The following BACH2 variants were observed in gnomAD, a reference collection of about 807,000 sequenced individuals.
BACH2 encodes transcription regulator protein BACH2.
BACH2 carries 5 observed loss-of-function variants against 61.8 expected under a neutral mutation model. The observed-to-expected ratio is 0.08, with a 90% CI of 0.04 to 0.17. BACH2 has a LOEUF of 0.17. BACH2 is among the 10% of genes least tolerant of loss of function. The pLI is 1.00. For missense variants in BACH2, 824 were observed against 1,091.1 expected (o/e 0.76, Z 3.45); for synonymous variants, 446 against 440.1 (o/e 1.01, Z -0.17).
chr6:90,196,193 A>G (rs982583058), intron 4 of BACH2, among the ~76,000 whole-genome samples: 2 of 152,108 alleles, frequency 1.3e-5, no homozygotes, highest in Non-Finnish European at 2.9e-5. Flanking sequence ...CAACTTGATT[A>G]GAATAGGTGA....
intron 4 of BACH2, among the ~76,000 whole-genome samples, chr6:90,172,395 G>A (rs1216911094): frequency 6.6e-6 from 1 of 151,354 alleles, no homozygotes; most frequent in South Asian, 2.1e-4. Context: ...GAATGTGAAG[G>A]AAAAAACAGA....
chr6:90,243,866 T>C (rs1326172036), intron 3 of BACH2, among the ~76,000 whole-genome samples: 3 of 152,310 alleles, frequency 2.0e-5, no homozygotes, highest in African/African-American at 7.2e-5. Context: ...TAAAATTTCA[T>C]TGATTGGAAT....
chr6:90,247,846 G>T (rs929117262), intron 3 of BACH2, among the ~76,000 whole-genome samples: 2 of 152,078 alleles, frequency 1.3e-5, no homozygotes, highest in Admixed American at 1.3e-4. Flanking sequence ...GTAGCACTTC[G>T]GTCTCTGCTT....
rs1477517332 is a variant in BACH2 at position 90,206,604 on chromosome 6, G to C, written c.-197C>G. 3 of 152,400 alleles carry C rather than the reference G, an allele frequency of 2.0e-5. No individual in the cohort carries two copies. Among genetic ancestry groups the C allele is most frequent in the African/African-American group, 7.2e-5 (3 of 41,466 alleles). 9.4% of individuals were successfully genotyped at this position (152,400 alleles called of 1,614,324 possible). ...CTGCAGGGATGGGAGCAAGGGATCA[G>C]ACATGTCACAGTGCGAGGAAGTTCT... On this transcript the variant is annotated 5_prime_UTR_variant, in exon 4 of 9. Transcript: ENST00000257749.
In BACH2 at chr6:90,288,448, T is replaced by C. The variant is rs557412534; in HGVS notation, c.-446+8032A>G. Among the ~76,000 whole-genome samples the C allele has an allele frequency of 6.6e-5, 10 of 152,268 alleles. 1 individual carries two copies. In the South Asian group the frequency reaches 1.0e-3, roughly 16 times the overall value. On this transcript the variant is annotated intron_variant, in intron 1 of 8. Transcript: ENST00000257749. ...TTCATACACTTGATCATTTCCCAAA[T>C]TGAGCTTCAAATGTGTGCTTAATGT...
chr6:90,014,468 A>ATATAT (rs1222156456), intron 5 of BACH2, among the ~76,000 whole-genome samples: 17 of 32,306 alleles, frequency 5.3e-4, no homozygotes, highest in Non-Finnish European at 6.1e-4. Flanking sequence ...ATATATATAT[A>ATATAT]TTTTTTTTTT....
chr6:90,192,043 T>C (rs1313743056), intron 4 of BACH2, among the ~76,000 whole-genome samples: 3 of 152,208 alleles, frequency 2.0e-5, no homozygotes, highest in African/African-American at 2.4e-5. Context: ...TATAATACCA[T>C]TGGTGGGTTT....
chr6:90,040,042 C>G (rs1339307100), intron 5 of BACH2, among the ~76,000 whole-genome samples: 1 of 147,330 alleles, frequency 6.8e-6, no homozygotes, highest in East Asian at 2.0e-4. Flanking sequence ...TTTTTTTGGC[C>G]GTGGTTTATG....
intron 4 of BACH2, among the ~76,000 whole-genome samples, chr6:90,160,395 G>A (rs1785150298): frequency 6.6e-6 from 1 of 152,224 alleles, no homozygotes; most frequent in African/African-American, 2.4e-5. Context: ...CAGCTAAAAT[G>A]CAGCCATCAT....
chr6:90,035,152 G>GAAAA (rs1473979931), intron 5 of BACH2, among the ~76,000 whole-genome samples: 2 of 152,044 alleles, frequency 1.3e-5, no homozygotes, highest in Non-Finnish European at 2.9e-5. Flanking sequence ...AATAGCACAT[G>GAAAA]AAAAAATACA....
intron 6 of BACH2, among the ~76,000 whole-genome samples, chr6:89,969,879 G>A (rs183819356): frequency 6.6e-6 from 1 of 152,296 alleles, no homozygotes; most frequent in Admixed American, 6.5e-5. Flanking sequence ...TGGAAATGAA[G>A]GCTGGGTGAG....
At chr6:90,239,798 TACACACACACACACACACACACACACAC>T (rs59169449) in intron 3 of BACH2, among the ~76,000 whole-genome samples, 1 of 132,224 alleles carries the variant, frequency 7.6e-6, no homozygotes, top group African/African-American at 2.8e-5. Context: ...GGGGGGGGAA[TACACACACACACACACACACACACACAC>T]ACACACACAC....
chr6:90,294,463 GA>G (rs1457989034), intron 1 of BACH2, among the ~76,000 whole-genome samples: 1 of 152,148 alleles, frequency 6.6e-6, no homozygotes, highest in Non-Finnish European at 1.5e-5. Flanking sequence ...CAGAATACTA[GA>G]AGGGAAAACA....
chr6:90,086,655 A>G (rs911526147), intron 5 of BACH2, among the ~76,000 whole-genome samples: 7 of 152,144 alleles, frequency 4.6e-5, no homozygotes, highest in African/African-American at 1.7e-4. Context: ...TGATTCACCT[A>G]AGGAGTCATG....
chr6:89,989,872 A>C (rs1776447932), intron 6 of BACH2, among the ~76,000 whole-genome samples: 1 of 152,244 alleles, frequency 6.6e-6, no homozygotes, highest in South Asian at 2.1e-4. Context: ...CAAAGCTGCC[A>C]GAGCCTGCTC....
chr6:90,164,220 G>C (rs1767523283), intron 4 of BACH2, among the ~76,000 whole-genome samples: 1 of 152,154 alleles, frequency 6.6e-6, no homozygotes, highest in Non-Finnish European at 1.5e-5. Context: ...AATAAAAAAT[G>C]ATAAAGGGGA....
In BACH2 at chr6:90,008,394, C is replaced by T. The variant is rs1777526341; in HGVS notation, c.243+208G>A. 1 of 646,532 alleles carries T rather than the reference C, an allele frequency of 1.5e-6. No homozygotes were observed. Among genetic ancestry groups the T allele is most frequent in the Non-Finnish European group, 2.6e-6 (1 of 382,780 alleles). 40.0% of individuals were successfully genotyped at this position (646,532 alleles called of 1,614,324 possible). A position where few individuals can be genotyped will look rare whatever the true frequency, so the allele number is the denominator to read the frequency against. ...ACTGAGCCACAGGTGAGGTTCAGTT[C>T]CCTTCAAGAAAGATATTCACATTCT... On this transcript the variant is annotated intron_variant, in intron 6 of 8. Transcript: ENST00000257749. This position sits in a 1 kb window ranked among gnomAD's most constrained non-coding sequence, Gnocchi z 4.1.
In BACH2 at chr6:89,975,767, C is replaced by T. The variant is rs553512256; in HGVS notation, c.244-23905G>A. ...CAGAGAAAAACAAAGTCCCACTTAT[C>T]AAAATGAAGTGCTTTTGTTCTCGTT... On this transcript the variant is annotated intron_variant, in intron 6 of 8. Coordinates refer to ENST00000257749, the MANE Select transcript of BACH2 (RefSeq NM_021813.4). Among the ~76,000 whole-genome samples, 47 of 152,316 alleles carry T rather than the reference C, an allele frequency of 3.1e-4. No individual in the cohort carries two copies. The Middle Eastern group carries it at 0.01, about 33-fold the overall frequency.
Position 90,035,628 on chromosome 6 carries a change from C to T in BACH2, c.-12-26772G>A, listed in dbSNP as rs114363023. Among the ~76,000 whole-genome samples the T allele has an allele frequency of 5.2e-3, 784 of 151,874 alleles. 7 individuals are homozygous for T. Among genetic ancestry groups the T allele is most frequent in the African/African-American group, 0.018 (738 of 41,432 alleles). ...AGTCTTTTGTGTGTCTTGTTGGGAC[C>T]GGGGGTTCCTCATTCTGGAGTATGC... On this transcript the variant is annotated intron_variant, in intron 5 of 8. Transcript: ENST00000257749.
Sources: allele counts gnomAD v4.1 joint callset (sites outside exome capture counted in the v4.1 genomes callset), GRCh38; gene constraint gnomAD v4.1.1; non-coding constraint Gnocchi (gnomAD v3.1); transcripts MANE v1.5; gene names NCBI Gene and HGNC (gene_info 2026-07-23, HGNC 2026-07-21).